Variants in MORC3 observed in about 807,000 individuals in gnomAD.
The protein encoded by MORC3 is MORC family CW-type zinc finger 3, also known as MORC family CW-type zinc finger protein 3.
A neutral mutation model predicts 109.1 loss-of-function variants in MORC3; 31 were observed. The observed-to-expected ratio is 0.28, with a 90% confidence interval of 0.21 to 0.38. The LOEUF (loss-of-function observed/expected upper bound fraction) is 0.38, where lower values mean the gene tolerates loss of function less well. MORC3 is among the 10% of genes least tolerant of loss of function. The pLI, the probability that MORC3 is intolerant of heterozygous loss-of-function variation, is 1.00. For missense variants in MORC3, 867 were observed against 1,135.8 expected, an observed-to-expected ratio of 0.76 and a Z score of 3.40; for synonymous variants, 395 against 380.7, an observed-to-expected ratio of 1.04 and a Z score of -0.44.
chr21:36,332,266 A>C (rs1484075011), intron 1 of MORC3, among the ~76,000 whole-genome samples: 1 of 152,048 alleles, frequency 6.6e-6, no homozygotes, highest in Admixed American at 6.6e-5. Flanking sequence ...GAAACCCCTT[A>C]TCTACTAAAA....
rs969475884 is a variant in MORC3, at chr21:36,343,830, A to G, written c.757-749A>G. ...TTGTCATTTACAGATTTTTCATGTA[A>G]TTTTTGCTAAGGTCTTAGCAATTAC... On this transcript the variant is annotated intron_variant, in intron 6 of 16. Coordinates refer to ENST00000400485, the MANE Select transcript of MORC3 (RefSeq NM_015358.3). 3.9e-5 allele frequency among the ~76,000 whole-genome samples: 6 copies of G among 151,976 alleles called. No individual in the cohort carries two copies. In the East Asian group the frequency reaches 9.6e-4, roughly 24 times the overall value.
At position 36,321,151 on chromosome 21, in the gene MORC3, A is replaced by C. The variant is rs2085189749; in HGVS notation, c.39+848A>C. On this transcript the variant is annotated intron_variant, in intron 1 of 16. Coordinates refer to ENST00000400485, the MANE Select transcript of MORC3 (RefSeq NM_015358.3). Reference sequence around the variant, plus strand: ...AATTTTAACATTCGAATGGGTAGTGACTCCTTGGGGTACAAACACGTAGTG... The same window carrying C: ...AATTTTAACATTCGAATGGGTAGTGCCTCCTTGGGGTACAAACACGTAGTG... 2.0e-5 allele frequency among the ~76,000 whole-genome samples: 3 copies of C among 152,196 alleles called. No individual in the cohort carries two copies. The South Asian group carries it at 6.2e-4, about 32-fold the overall frequency.
chr21:36,355,715 T>C (rs1055408952), intron 9 of MORC3, among the ~76,000 whole-genome samples: 2 of 151,400 alleles, frequency 1.3e-5, no homozygotes, highest in African/African-American at 4.9e-5. Flanking sequence ...TTTGGGAGGC[T>C]GAGACAAGAA....
At chr21:36,347,096 C>T (rs1031573078) in intron 8 of MORC3, among the ~76,000 whole-genome samples, 18 of 151,420 alleles carry the variant, frequency 1.2e-4, no homozygotes, top group Non-Finnish European at 1.5e-5. Context: ...GGATCTCAGA[C>T]ACAAACACAT....
Position 36,375,385 on chromosome 21 carries a change from T to C in MORC3, c.*89T>C. On this transcript the variant is annotated 3_prime_UTR_variant, in exon 17 of 17. Coordinates refer to ENST00000400485, the MANE Select transcript of MORC3 (RefSeq NM_015358.3). ...AATTAATTTTGTTTTATAGATATGA[T>C]AGGCAACAGACTGAAAACCATAATC... is the stretch of plus-strand genomic sequence containing the variant. 1 of 1,199,860 alleles carries C rather than the reference T, an allele frequency of 8.3e-7. No individual in the cohort carries two copies. The highest frequency in any genetic ancestry group is 1.1e-6 in the Non-Finnish European group (1 of 869,584). The allele number at this position is 1,199,860 out of a possible 1,614,324, so 74.3% of individuals were successfully genotyped here.
At chr21:36,327,192 A>C (rs1601507479) in intron 1 of MORC3, among the ~76,000 whole-genome samples, 4 of 106,412 alleles carry the variant, frequency 3.8e-5, no homozygotes, top group Admixed American at 1.1e-4. Context: ...TGAGACAGAC[A>C]CTCCCAGGCT....
At chr21:36,360,765 T>A in intron 12 of MORC3, 1 of 159,558 alleles carries the variant, frequency 6.3e-6, no homozygotes, top group Non-Finnish European at 1.4e-5. Flanking sequence ...GTACAGGGAA[T>A]AAACATTTAC....
intron 8 of MORC3, among the ~76,000 whole-genome samples, chr21:36,347,023 A>C (rs958412437): frequency 3.3e-5 from 5 of 151,282 alleles, no homozygotes; most frequent in East Asian, 3.9e-4. Flanking sequence ...AAAAAAAAAA[A>C]AAACAAAGAA....
At chr21:36,350,259 G>A (rs1601526894) in intron 9 of MORC3, among the ~76,000 whole-genome samples, 2 of 152,178 alleles carry the variant, frequency 1.3e-5, no homozygotes, top group East Asian at 3.9e-4. Context: ...AGTGAGCCAA[G>A]ATGGCGCCAC....
At chr21:36,337,709 A>T (rs1203210231) in intron 3 of MORC3, 23 bp from the exon 4 acceptor site, 4 of 1,498,016 alleles carry the variant, frequency 2.7e-6, no homozygotes, top group African/African-American at 2.8e-5. Context: ...ATTTATTTTT[A>T]AAAATCTTTA....
At chr21:36,361,816 G>A (rs2085720225) in intron 12 of MORC3, 1 of 188,844 alleles carries the variant, frequency 5.3e-6, no homozygotes, top group African/African-American at 2.4e-5. Context: ...GAACCCGGGA[G>A]GCAGAGGTTG....
intron 8 of MORC3, among the ~76,000 whole-genome samples, chr21:36,346,107 A>G (rs1313194184): frequency 1.3e-5 from 2 of 151,138 alleles, no homozygotes; most frequent in Non-Finnish European, 3.0e-5. Flanking sequence ...TGCAACCTCC[A>G]CCTCCCTGGT....
chr21:36,341,395 A>G lies in MORC3; in HGVS notation c.609-4A>G, dbSNP rs1343153445. 6.3e-7 allele frequency: 1 copy of G among 1,592,902 alleles called. No homozygotes were observed. The highest frequency in any genetic ancestry group is 1.4e-5 in the African/African-American group (1 of 73,478). On this transcript the variant is annotated splice_region_variant and splice_polypyrimidine_tract_variant and intron_variant, in intron 5 of 16. Coordinates refer to ENST00000400485, the MANE Select transcript of MORC3 (RefSeq NM_015358.3). ...TTGGTTCTTTCTAAAAATTATTTTT[A>G]CAGCTACAAAAATGCAACAGAGTTC...
In MORC3 at chr21:36,361,946, A is replaced by G. The variant is rs1262851295; in HGVS notation, c.1407-237A>G. On this transcript the variant is annotated intron_variant, in intron 12 of 16. Coordinates refer to ENST00000400485, the MANE Select transcript of MORC3 (RefSeq NM_015358.3). ...ATTCTGGACTGAGTTATCTGGTCTT[A>G]GTGGAGAAAAAAACACCAAAGATCT... 5.3e-6 allele frequency: 3 copies of G among 565,564 alleles called. No homozygotes were observed. The East Asian group carries it at 9.5e-5, about 18-fold the overall frequency. 35.0% of individuals were successfully genotyped at this position (565,564 alleles called of 1,614,324 possible).
chr21:36,322,065 G>A (rs1401662771), intron 1 of MORC3, among the ~76,000 whole-genome samples: 1 of 152,124 alleles, frequency 6.6e-6, no homozygotes, highest in Non-Finnish European at 1.5e-5. Flanking sequence ...GTCAGGAGTT[G>A]GCAAACTACA....
chr21:36,338,982 G>T, intron 5 of MORC3, 61 bp downstream of exon 5: 1 of 1,552,856 alleles, frequency 6.4e-7, no homozygotes. Context: ...GGGTGGTGGT[G>T]TTATATTCAT....
chr21:36,337,909 G>T lies in MORC3; in HGVS notation c.423G>T (p.Glu141Asp). The T allele has an allele frequency of 1.2e-6, 2 of 1,614,162 alleles. No individual in the cohort carries two copies. Among genetic ancestry groups the T allele is most frequent in the Non-Finnish European group, 1.7e-6 (2 of 1,180,022 alleles). The change falls in exon 4 of 17, where the codon GAG becomes GAT. Residue 141 changes from glutamate (E) to aspartate (D), a missense_variant. Around this residue, in one of 7 missense-constraint regions of MORC3, gnomAD observed 134 missense variants for 166.6 expected, o/e 0.80. Coordinates refer to ENST00000400485, the MANE Select transcript of MORC3 (RefSeq NM_015358.3). Reference protein sequence around the residue: ...SQTYLEVIKAEHVVVPIVAFN... With the variant: ...SQTYLEVIKADHVVVPIVAFN... ...CCTACTTGGAAGTCATAAAAGCGGAGCATGTTGTTGTTCCAATAGTGGCAT... is the reference window on the plus strand; with the variant it reads ...CCTACTTGGAAGTCATAAAAGCGGATCATGTTGTTGTTCCAATAGTGGCAT...
chr21:36,349,216 A>C lies in MORC3; in HGVS notation c.1006-95A>C. 6.4e-6 allele frequency: 5 copies of C among 779,428 alleles called. No individual in the cohort carries two copies. In the East Asian group the frequency reaches 1.4e-4, roughly 22 times the overall value. The allele number at this position is 779,428 out of a possible 1,614,324, so 48.3% of individuals were successfully genotyped here. ...TGTGATGAGAATCATACAAGATAAA[A>C]TATAGAAAAATATACAAACTATAAT... On this transcript the variant is annotated intron_variant, in intron 8 of 16. Transcript: ENST00000400485.
In MORC3 at chr21:36,320,329, G is replaced by A; in HGVS notation, c.39+26G>A. On this transcript the variant is annotated intron_variant, in intron 1 of 16. Coordinates refer to ENST00000400485, the MANE Select transcript of MORC3 (RefSeq NM_015358.3). Reference sequence around the variant, plus strand: ...GTGAGCAGCCGCGAGGGGTGGAGCGGGCCGTGTCCCAGGAGGGCGGGCGGG... The same window carrying A: ...GTGAGCAGCCGCGAGGGGTGGAGCGAGCCGTGTCCCAGGAGGGCGGGCGGG... 2.0e-6 allele frequency: 3 copies of A among 1,477,912 alleles called. No individual in the cohort carries two copies. The African/African-American group carries it at 4.3e-5, about 21-fold the overall frequency. 91.5% of individuals were successfully genotyped at this position (1,477,912 alleles called of 1,614,324 possible).
Sources: gnomAD v4.1 joint callset for allele counts (sites outside exome capture counted in the v4.1 genomes callset) on GRCh38, gnomAD v4.1.1 for gene constraint, gnomAD v4.1.1 regional missense constraint, MANE v1.5 for transcripts, NCBI Gene and HGNC (gene_info 2026-07-23, HGNC 2026-07-21) for gene names.